Variants in PRP4K observed in about 807,000 individuals in gnomAD.
PRP4K encodes the protein serine/threonine-protein kinase PRP4 homolog.
chr6:4,052,618 G>A, the PRP4K span: 531 of 913,068 alleles, frequency 5.8e-4, 1 homozygote, highest in African/African-American at 7.0e-3. Context: ...TTTATTTTGC[G>A]CTTGATTTTA....
chr6:4,029,777 ATTAGT>A, the PRP4K span, among the ~76,000 whole-genome samples: 1 of 152,036 alleles, frequency 6.6e-6, no homozygotes, highest in African/African-American at 2.4e-5. Flanking sequence ...CGTTCTCGAA[ATTAGT>A]TTAGGTGATC....
the PRP4K span, chr6:4,021,338 G>C: frequency 9.8e-6 from 15 of 1,529,982 alleles, no homozygotes; most frequent in African/African-American, 1.8e-4. Context: ...CACATGCGCG[G>C]CAGCTCTTTT....
the PRP4K span, chr6:4,048,995 A>G: frequency 4.4e-6 from 7 of 1,589,782 alleles, no homozygotes; most frequent in Non-Finnish European, 6.0e-6. Context: ...TAAACTGTTC[A>G]TGTTGCCTCT....
chr6:4,051,457 C>T, the PRP4K span, among the ~76,000 whole-genome samples: 2 of 151,906 alleles, frequency 1.3e-5, no homozygotes. Context: ...GCTGGGACTA[C>T]AGGCACCCGC....
chr6:4,040,866 A>G, the PRP4K span: 1 of 1,614,030 alleles, frequency 6.2e-7, no homozygotes, highest in Non-Finnish European at 8.5e-7. Flanking sequence ...AAAGGAAGAT[A>G]AATTTAAAGG....
chr6:4,037,807 G>A, the PRP4K span, among the ~76,000 whole-genome samples: 2 of 149,892 alleles, frequency 1.3e-5, no homozygotes, highest in Admixed American at 1.3e-4. Flanking sequence ...TTAAAAATAG[G>A]ACTTTTTTCT....
At chr6:4,032,411 A>G in the PRP4K span, 1 of 1,614,160 alleles carries the variant, frequency 6.2e-7, no homozygotes. Flanking sequence ...CAGTTGATTT[A>G]AGAGGTAAAT....
the PRP4K span, chr6:4,063,633 T>C: frequency 2.0e-5 from 3 of 152,114 alleles, no homozygotes; most frequent in African/African-American, 7.2e-5. Flanking sequence ...AAAAAGATAC[T>C]CTGGGTTTTT....
At chr6:4,060,879 A>G in the PRP4K span, 1 of 422,420 alleles carries the variant, frequency 2.4e-6, no homozygotes, top group East Asian at 4.4e-5. The surrounding 1 kb of genome is among the most constrained non-coding windows in gnomAD (Gnocchi z 4.7). Flanking sequence ...GTTGCAGTTC[A>G]CATAAAGACA....
At chr6:4,049,367 C>T in the PRP4K span, 1 of 460,772 alleles carries the variant, frequency 2.2e-6, no homozygotes. Flanking sequence ...AGATAGTCTT[C>T]CAGAAGGAAG....
chr6:4,023,548 T>G, the PRP4K span, among the ~76,000 whole-genome samples: 9 of 152,122 alleles, frequency 5.9e-5, no homozygotes, highest in Non-Finnish European at 1.0e-4. Context: ...ATTATTTTTG[T>G]TTTTTTCCAC....
chr6:4,043,451 A>G, the PRP4K span, among the ~76,000 whole-genome samples: 1 of 152,146 alleles, frequency 6.6e-6, no homozygotes, highest in Non-Finnish European at 1.5e-5. Context: ...TGCATCTATT[A>G]TGTGCCATCA....
At chr6:4,044,090 A>G in the PRP4K span, 124 of 1,472,946 alleles carry the variant, frequency 8.4e-5, 1 homozygote, top group Non-Finnish European at 1.1e-4. Context: ...ATAATAAGAG[A>G]CGTTATTTGG....
the PRP4K span, chr6:4,049,986 A>T: frequency 7.8e-7 from 1 of 1,277,922 alleles, no homozygotes; most frequent in Non-Finnish European, 1.1e-6. Flanking sequence ...GTGTAAAACA[A>T]GTATTGCAAT....
chr6:4,025,498 T>A, the PRP4K span, among the ~76,000 whole-genome samples: 1 of 152,186 alleles, frequency 6.6e-6, no homozygotes, highest in African/African-American at 2.4e-5. Flanking sequence ...CTAGCCCCTG[T>A]ATAAGAAAAT....
the PRP4K span, among the ~76,000 whole-genome samples, chr6:4,030,147 TAGTC>T: frequency 3.3e-5 from 5 of 152,168 alleles, no homozygotes; most frequent in Admixed American, 2.0e-4. Context: ...TTCCCCATGT[TAGTC>T]AGGCTGGTCT....
At chr6:4,052,903 A>G in the PRP4K span, 6 of 1,561,036 alleles carry the variant, frequency 3.8e-6, no homozygotes, top group Non-Finnish European at 5.2e-6. Context: ...TGCGCTGTAC[A>G]TCTTGAACAT....
At chr6:4,032,844 T>C in the PRP4K span, 1 of 1,317,340 alleles carries the variant, frequency 7.6e-7, no homozygotes, top group Non-Finnish European at 9.9e-7. Context: ...AAAAATGAAG[T>C]AGTAAGTAAA....
At chr6:4,059,522 A>T in the PRP4K span, among the ~76,000 whole-genome samples, 1 of 152,242 alleles carries the variant, frequency 6.6e-6, no homozygotes, top group African/African-American at 2.4e-5. Flanking sequence ...ACTTAATAAT[A>T]CTTCAGGGTA....
Sources: allele counts gnomAD v4.1 joint callset (sites outside exome capture counted in the v4.1 genomes callset), GRCh38; gene constraint gnomAD v4.1.1; non-coding constraint Gnocchi (gnomAD v3.1); transcripts MANE v1.5; gene names NCBI Gene and HGNC (gene_info 2026-07-23, HGNC 2026-07-21).